ESR1: variants seen among roughly 807,000 people sequenced by gnomAD.
ESR1 encodes estrogen receptor.
ESR1 carries 12 observed loss-of-function variants against 52.7 expected under a neutral mutation model. That is an observed-to-expected ratio of 0.23 (90% CI 0.15 to 0.37). The LOEUF is 0.37. ESR1 is among the 10% of genes least tolerant of loss of function. The pLI is 1.00. For missense variants in ESR1, 584 were observed against 779.7 expected, an observed-to-expected ratio of 0.75 and a Z score of 2.99; for synonymous variants, 305 against 316.8, an observed-to-expected ratio of 0.96 and a Z score of 0.39.
chr6:151,867,529 T>A (rs1790157199), intron 2 of ESR1, among the ~76,000 whole-genome samples: 1 of 151,944 alleles, frequency 6.6e-6, no homozygotes, highest in Non-Finnish European at 1.5e-5. Context: ...ATAAATATGC[T>A]GCCAACAAGC....
intron 3 of ESR1, among the ~76,000 whole-genome samples, chr6:151,940,918 C>T (rs2034978270): frequency 6.6e-6 from 1 of 152,152 alleles, no homozygotes; most frequent in African/African-American, 2.4e-5. Flanking sequence ...TGATTACTGC[C>T]AATATCAGTT....
intron 3 of ESR1, among the ~76,000 whole-genome samples, chr6:151,942,448 T>C (rs2035179138): frequency 3.9e-5 from 6 of 152,170 alleles, no homozygotes; most frequent in Admixed American, 3.9e-4. Flanking sequence ...ACTAAATTAG[T>C]TCTAAAGTGC....
At chr6:151,876,966 T>TA (rs149235762) in intron 2 of ESR1, among the ~76,000 whole-genome samples, 6,497 of 149,352 alleles carry the variant, frequency 0.044, 256 homozygotes, top group East Asian at 0.14. Context: ...TCTTTTCAGT[T>TA]AAAAAAAAAC....
chr6:151,956,863 A>ATATATATATAT (rs1175773832), intron 4 of ESR1, among the ~76,000 whole-genome samples: 19 of 53,902 alleles, frequency 3.5e-4, no homozygotes, highest in African/African-American at 8.6e-4. Context: ...TATATATATA[A>ATATATATATAT]ATATATATAT....
chr6:151,867,442 C>T (rs994563278), intron 2 of ESR1, among the ~76,000 whole-genome samples: 1 of 150,992 alleles, frequency 6.6e-6, no homozygotes, highest in African/African-American at 2.4e-5. Context: ...CACACACACA[C>T]AAACAACCCC....
chr6:152,122,822 C>T, intron 6 of ESR1: 2 of 1,185,620 alleles, frequency 1.7e-6, no homozygotes, highest in South Asian at 1.3e-5. Flanking sequence ...CACAGTGTGC[C>T]CAGGTCACCC....
chr6:151,952,102 C>T (rs2036392519), intron 4 of ESR1, among the ~76,000 whole-genome samples: 2 of 152,122 alleles, frequency 1.3e-5, no homozygotes, highest in African/African-American at 2.4e-5. Context: ...TTTCCAAATA[C>T]GACCACAAGT....
chr6:151,982,625 T>C (rs1233208839), intron 4 of ESR1, among the ~76,000 whole-genome samples: 2 of 151,494 alleles, frequency 1.3e-5, no homozygotes, highest in Non-Finnish European at 2.9e-5. Context: ...GCTGGGACTA[T>C]AGGCGCCCGC....
At chr6:151,724,620 T>G (rs1262481482) in intron 2 of ESR1, among the ~76,000 whole-genome samples, 1 of 152,048 alleles carries the variant, frequency 6.6e-6, no homozygotes, top group African/African-American at 2.4e-5. Context: ...ACTTCACTTC[T>G]GCTGGAGGAA....
At chr6:151,974,473 T>C (rs971725152) in intron 4 of ESR1, among the ~76,000 whole-genome samples, 4 of 152,138 alleles carry the variant, frequency 2.6e-5, no homozygotes, top group African/African-American at 7.2e-5. Flanking sequence ...CCTGTACAGA[T>C]CATAGTGATA....
At chr6:151,955,017 T>C (rs2036746197) in intron 4 of ESR1, among the ~76,000 whole-genome samples, 1 of 152,174 alleles carries the variant, frequency 6.6e-6, no homozygotes, top group African/African-American at 2.4e-5. Flanking sequence ...TTTACAAGTA[T>C]GTAAATAAAA....
intron 2 of ESR1, among the ~76,000 whole-genome samples, chr6:151,734,283 G>T (rs1008581680): frequency 6.6e-6 from 1 of 152,190 alleles, no homozygotes; most frequent in Admixed American, 6.5e-5. Flanking sequence ...AGAAGATGCA[G>T]CCAAAGAAGT....
At chr6:152,034,566 A>T (rs2045102112) in intron 5 of ESR1, among the ~76,000 whole-genome samples, 1 of 150,924 alleles carries the variant, frequency 6.6e-6, no homozygotes, top group African/African-American at 2.5e-5. Flanking sequence ...TAAAGTGTTT[A>T]ATTTCTCGTA....
At chr6:151,743,545 C>T (rs1783254944) in intron 2 of ESR1, among the ~76,000 whole-genome samples, 1 of 152,158 alleles carries the variant, frequency 6.6e-6, no homozygotes, top group South Asian at 2.1e-4. Context: ...TAATTAGTAT[C>T]CTAAAACTGA....
Position 151,678,919 on chromosome 6 carries a change from T to C in ESR1, n.73+22156T>C, listed in dbSNP as rs544702460. Reference sequence around the variant, plus strand: ...CCAGGATGGTCTTGATCTCCTGACCTTGTGATCCACCCGCCTCGGCCTCCC... The same window carrying C: ...CCAGGATGGTCTTGATCTCCTGACCCTGTGATCCACCCGCCTCGGCCTCCC... On this transcript the variant is annotated intron_variant and non_coding_transcript_variant, in intron 1 of 2. Coordinates refer to the ESR1 transcript ENST00000473497. Among the ~76,000 whole-genome samples the C allele has an allele frequency of 1.5e-4, 23 of 152,108 alleles. No individual in the cohort carries two copies. The East Asian group carries it at 3.9e-3, about 26-fold the overall frequency.
chr6:151,940,868 G>T (rs541508624), intron 3 of ESR1, among the ~76,000 whole-genome samples: 1 of 152,298 alleles, frequency 6.6e-6, no homozygotes, highest in Admixed American at 6.5e-5. Context: ...GTATTGAACG[G>T]ATTTTTACTA....
chr6:151,819,349 T>C (rs1164784286), intron 1 of ESR1, among the ~76,000 whole-genome samples: 1 of 152,192 alleles, frequency 6.6e-6, no homozygotes, highest in Non-Finnish European at 1.5e-5. Flanking sequence ...CTCTGGACCA[T>C]GGACTCGTAC....
At chr6:151,948,421 A>C (rs1191464086) in intron 4 of ESR1, among the ~76,000 whole-genome samples, 1 of 152,184 alleles carries the variant, frequency 6.6e-6, no homozygotes, top group Non-Finnish European at 1.5e-5. Flanking sequence ...TATAACCCAA[A>C]GTGTAGCAGC....
At chr6:151,887,845 A>C (rs1794101205) in intron 3 of ESR1, among the ~76,000 whole-genome samples, 1 of 152,096 alleles carries the variant, frequency 6.6e-6, no homozygotes. Context: ...TCTTTAATCC[A>C]GGTTGAGTTG....
Sources: gnomAD v4.1 joint callset for allele counts (sites outside exome capture counted in the v4.1 genomes callset) on GRCh38, gnomAD v4.1.1 for gene constraint, MANE v1.5 for transcripts, NCBI Gene and HGNC (gene_info 2026-07-23, HGNC 2026-07-21) for gene names.